SUGCT: variants seen among roughly 807,000 people sequenced by gnomAD.
The protein encoded by SUGCT is succinyl-CoA:glutarate CoA-transferase.
In SUGCT, 41 loss-of-function variants were observed where a neutral mutation model predicts 55.0. That is an observed-to-expected ratio of 0.74 (90% CI 0.58 to 0.97). The LOEUF (loss-of-function observed/expected upper bound fraction) is 0.97, where lower values mean the gene tolerates loss of function less well. Among genes scored for constraint, SUGCT ranks in the 50% least tolerant of loss-of-function variants. The probability of loss-of-function intolerance (pLI) is 0.00; values close to 1 mark genes in which losing one functional copy is unlikely to be tolerated. For missense variants in SUGCT, 568 were observed against 547.8 expected, an observed-to-expected ratio of 1.04 and a Z score of -0.37; for synonymous variants, 187 against 200.4, an observed-to-expected ratio of 0.93 and a Z score of 0.56.
At chr7:40,681,263 C>G (rs1295039697) in intron 12 of SUGCT, among the ~76,000 whole-genome samples, 2 of 152,054 alleles carry the variant, frequency 1.3e-5, no homozygotes, top group Non-Finnish European at 2.9e-5. Context: ...TTGGAACTTT[C>G]AGCCCCACTT....
chr7:40,909,840 C>T, the SUGCT span, among the ~76,000 whole-genome samples: 3 of 152,148 alleles, frequency 2.0e-5, no homozygotes, highest in Non-Finnish European at 4.4e-5. Context: ...AAATTCCTTA[C>T]TGAGTGGCGG....
intron 1 of SUGCT, among the ~76,000 whole-genome samples, chr7:40,151,189 G>A (rs1050034238): frequency 6.6e-6 from 1 of 152,186 alleles, no homozygotes; most frequent in Admixed American, 6.5e-5. Flanking sequence ...GTAGTGAGCC[G>A]AGATTGCGCC....
At chr7:40,339,685 T>C (rs990621800) in intron 9 of SUGCT, among the ~76,000 whole-genome samples, 3 of 152,200 alleles carry the variant, frequency 2.0e-5, no homozygotes, top group African/African-American at 7.2e-5. Context: ...CCTGACCCCT[T>C]GCGCTTCCTG....
intron 12 of SUGCT, among the ~76,000 whole-genome samples, chr7:40,693,101 C>T (rs1374115614): frequency 6.6e-6 from 1 of 152,146 alleles, no homozygotes; most frequent in Non-Finnish European, 1.5e-5. Flanking sequence ...TATCTCCGCC[C>T]TAGTAGCCAT....
rs577268660 is a variant in SUGCT, at chr7:40,207,794, C to CA, written c.484+12746dup. Among the ~76,000 whole-genome samples, 911 of 140,532 alleles carry CA rather than the reference C, an allele frequency of 6.5e-3. 4 individuals carry two copies. The highest frequency in any genetic ancestry group is 0.011 in the African/African-American group (438 of 38,298). 92.2% of individuals were successfully genotyped at this position (140,532 alleles called of 152,430 possible). ...ATTGTGCCAGAGCAAGACTCCATCT[C>CA]AAAAAAAAAAAATTATACACAGAAT... On this transcript the variant is annotated intron_variant, in intron 6 of 13. Transcript: ENST00000335693.
intron 13 of SUGCT, among the ~76,000 whole-genome samples, chr7:40,802,202 C>A (rs1307906165): frequency 1.3e-5 from 2 of 151,968 alleles, no homozygotes; most frequent in Non-Finnish European, 2.9e-5. Context: ...CTAGACCAGA[C>A]AAATGAATTG....
intron 10 of SUGCT, among the ~76,000 whole-genome samples, chr7:40,450,076 G>A (rs947276165): frequency 5.3e-5 from 8 of 151,992 alleles, no homozygotes; most frequent in East Asian, 1.9e-4. Flanking sequence ...TGACAGGTGC[G>A]TGCCACCATG....
intron 12 of SUGCT, among the ~76,000 whole-genome samples, chr7:40,623,421 A>G (rs1053765986): frequency 9.2e-5 from 14 of 152,198 alleles, no homozygotes; most frequent in Non-Finnish European, 2.1e-4. Context: ...TCACATGGCT[A>G]CTGTAAATAG....
At chr7:40,613,720 C>T (rs1424091173) in intron 12 of SUGCT, among the ~76,000 whole-genome samples, 1 of 152,094 alleles carries the variant, frequency 6.6e-6, no homozygotes, top group Non-Finnish European at 1.5e-5. Context: ...AAGCGATTCT[C>T]CTGCCCCAGC....
chr7:40,902,809 C>T, the SUGCT span, among the ~76,000 whole-genome samples: 36 of 152,240 alleles, frequency 2.4e-4, no homozygotes, highest in Middle Eastern at 6.8e-3. Context: ...GCATCCAGTT[C>T]TGCTCTGGCC....
chr7:40,136,802 T>C (rs1787719024), intron 1 of SUGCT, among the ~76,000 whole-genome samples: 1 of 152,130 alleles, frequency 6.6e-6, no homozygotes, highest in South Asian at 2.1e-4. Context: ...AAGACCAGCC[T>C]GGGCAACATC....
At chr7:40,440,173 T>G (rs916226994) in intron 9 of SUGCT, among the ~76,000 whole-genome samples, 6 of 137,062 alleles carry the variant, frequency 4.4e-5, no homozygotes, top group Admixed American at 7.1e-5. Context: ...TTTTTTTTTT[T>G]TTTTAAGACT....
At position 40,475,994 on chromosome 7, in the gene SUGCT, G is replaced by A. The variant is rs1241246237; in HGVS notation, c.986+16796G>A. Among the ~76,000 whole-genome samples the A allele has an allele frequency of 3.3e-5, 5 of 152,088 alleles. No homozygotes were observed. The South Asian group carries it at 8.3e-4, about 25-fold the overall frequency. On this transcript the variant is annotated intron_variant, in intron 11 of 13. Coordinates refer to ENST00000335693, the MANE Select transcript of SUGCT (RefSeq NM_001193313.2). ...TACTGAGGTGGTATAGCAGGGGGGTGGGATGGGGTGGTAAGAGCATGGATT... is the reference window on the plus strand; with the variant it reads ...TACTGAGGTGGTATAGCAGGGGGGTAGGATGGGGTGGTAAGAGCATGGATT...
chr7:40,333,362 C>T (rs1050707724), intron 9 of SUGCT, among the ~76,000 whole-genome samples: 5 of 151,594 alleles, frequency 3.3e-5, no homozygotes, highest in Non-Finnish European at 4.4e-5. Context: ...AGTGGCCGGG[C>T]GTGGTGGCTC....
intron 12 of SUGCT, among the ~76,000 whole-genome samples, chr7:40,556,472 A>G (rs1332730138): frequency 1.3e-5 from 2 of 152,204 alleles, no homozygotes; most frequent in Admixed American, 6.5e-5. Context: ...TCCTGGGAGC[A>G]CTTCACTAAT....
chr7:41,022,214 AAG>A, the SUGCT span, among the ~76,000 whole-genome samples: 1 of 152,112 alleles, frequency 6.6e-6, no homozygotes, highest in Non-Finnish European at 1.5e-5. Context: ...CTAGAACAAA[AAG>A]GGGTATTCTA....
intron 12 of SUGCT, among the ~76,000 whole-genome samples, chr7:40,549,296 A>G (rs949216812): frequency 6.6e-6 from 1 of 152,218 alleles, no homozygotes; most frequent in African/African-American, 2.4e-5. Flanking sequence ...CACTTTCTGT[A>G]GACTTAGCTA....
At chr7:40,169,464 C>T (rs1409835624) in intron 1 of SUGCT, among the ~76,000 whole-genome samples, 3 of 152,298 alleles carry the variant, frequency 2.0e-5, no homozygotes, top group Non-Finnish European at 2.9e-5. Flanking sequence ...CATAGGCTGG[C>T]ACTTGCCCTG....
intron 6 of SUGCT, among the ~76,000 whole-genome samples, chr7:40,235,931 G>A (rs760680357): frequency 3.3e-4 from 50 of 152,188 alleles, no homozygotes; most frequent in Non-Finnish European, 5.7e-4. Context: ...TCCTAAAGCA[G>A]CATATGCAGG....
Sources: gnomAD v4.1 joint callset for allele counts (sites outside exome capture counted in the v4.1 genomes callset) on GRCh38, gnomAD v4.1.1 for gene constraint, MANE v1.5 for transcripts, NCBI Gene and HGNC (gene_info 2026-07-23, HGNC 2026-07-21) for gene names.